The following GNG2 variants were observed in gnomAD, a reference collection of about 807,000 sequenced individuals.
GNG2 encodes G protein subunit gamma 2, also known as guanine nucleotide-binding protein G(I)/G(S)/G(O) subunit gamma-2.
GNG2 carries 5 observed loss-of-function variants against 5.5 expected under a neutral mutation model. The observed-to-expected ratio is 0.91, with a 90% CI of 0.48 to 1.92. The LOEUF (loss-of-function observed/expected upper bound fraction) is 1.92. Among genes scored for constraint, GNG2 ranks in the 30% most tolerant of loss-of-function variants. The pLI is 0.01. For synonymous variants in GNG2, 28 were observed against 32.0 expected (o/e 0.88, Z 0.42); for missense variants, 55 against 88.4 (o/e 0.62, Z 1.52).
chr14:51,833,348 A>C (rs1000074609), intron 2 of GNG2, among the ~76,000 whole-genome samples: 16 of 152,046 alleles, frequency 1.1e-4, no homozygotes, highest in African/African-American at 3.4e-4. Flanking sequence ...ACTTTTTTCC[A>C]GTCCCTCTTT....
At chr14:51,942,142 G>A (rs527563194) in intron 2 of GNG2, among the ~76,000 whole-genome samples, 18 of 152,288 alleles carry the variant, frequency 1.2e-4, no homozygotes, top group African/African-American at 4.3e-4. Context: ...AATTATGAAT[G>A]CTTAACACTT....
At chr14:51,841,526 A>G (rs1881482188) in intron 2 of GNG2, 1 of 702,082 alleles carries the variant, frequency 1.4e-6, no homozygotes, top group Non-Finnish European at 2.6e-6. Context: ...CAGAGCATAG[A>G]AAAGTCACAC....
intron 3 of GNG2, among the ~76,000 whole-genome samples, chr14:51,957,067 T>A (rs8019374): frequency 0.37 from 54,977 of 150,028 alleles, 10,402 homozygotes; most frequent in Non-Finnish European, 0.39. Flanking sequence ...TCTGGTTTGG[T>A]GAGGATGCTG....
At chr14:51,940,307 C>T (rs1193636731) in intron 2 of GNG2, 1 of 152,322 alleles carries the variant, frequency 6.6e-6, no homozygotes, top group African/African-American at 2.4e-5. Context: ...GCTGTGAACC[C>T]CCTGAGGCTA....
intron 3 of GNG2, among the ~76,000 whole-genome samples, 191 bp downstream of exon 3, chr14:51,950,956 C>A (rs916922236): frequency 6.6e-6 from 1 of 152,004 alleles, no homozygotes; most frequent in African/African-American, 2.4e-5. Flanking sequence ...TCCTCTTTCC[C>A]ATGTAGAATT....
chr14:51,966,227 A>AAAAAAAAAAAAAC (rs1566720324), intron 3 of GNG2, among the ~76,000 whole-genome samples: 1 of 148,842 alleles, frequency 6.7e-6, no homozygotes, highest in African/African-American at 2.5e-5. Context: ...AAAAAAAAAA[A>AAAAAAAAAAAAAC]AAAAAAAAAA....
At position 51,866,592 on chromosome 14, in the gene GNG2, A is replaced by G. The variant is rs555872920; in HGVS notation, c.-71+5802A>G. Among the ~76,000 whole-genome samples, 7 of 151,588 alleles carry G rather than the reference A, an allele frequency of 4.6e-5. No homozygotes were observed. In the South Asian group the frequency reaches 1.2e-3, roughly 27 times the overall value. ...AATCTTTTTTTTTTTTTACACTTCT[A>G]TGGGCTGGAAAGTCCAAGATCAAGG... On this transcript the variant is annotated intron_variant, in intron 1 of 3. Coordinates refer to ENST00000556766, the MANE Select transcript of GNG2 (RefSeq NM_053064.5).
intron 2 of GNG2, among the ~76,000 whole-genome samples, chr14:51,853,501 G>A (rs1483410117): frequency 2.6e-5 from 4 of 152,322 alleles, no homozygotes; most frequent in Admixed American, 2.6e-4. Flanking sequence ...ACCCCTTCCA[G>A]TAGGGAAATC....
At chr14:51,966,241 A>T (rs1446229886) in intron 3 of GNG2, among the ~76,000 whole-genome samples, 5 of 149,880 alleles carry the variant, frequency 3.3e-5, no homozygotes, top group Admixed American at 6.6e-5. Flanking sequence ...AAAAAAACAA[A>T]TGAAGGAGAC....
At chr14:51,827,367 C>G (rs768187464) in intron 1 of GNG2, among the ~76,000 whole-genome samples, 2 of 152,216 alleles carry the variant, frequency 1.3e-5, no homozygotes, top group Non-Finnish European at 1.5e-5. Flanking sequence ...TTGAGCTCTA[C>G]TCCAGGCTTA....
chr14:51,946,916 C>T (rs1481943432), intron 2 of GNG2, among the ~76,000 whole-genome samples: 3 of 151,844 alleles, frequency 2.0e-5, no homozygotes, highest in South Asian at 2.1e-4. Context: ...ATTGCTTTTA[C>T]GAGAAATCAG....
chr14:51,966,319 C>T (rs774343291), intron 3 of GNG2, among the ~76,000 whole-genome samples: 11 of 151,974 alleles, frequency 7.2e-5, no homozygotes, highest in Admixed American at 2.6e-4. Context: ...GTGCCTCCTT[C>T]GGTTCTGCAC....
At chr14:51,907,857 G>A (rs1233453059) in intron 2 of GNG2, among the ~76,000 whole-genome samples, 1 of 152,158 alleles carries the variant, frequency 6.6e-6, no homozygotes, top group African/African-American at 2.4e-5. Context: ...ACCGATTTAG[G>A]TTGGTATAAA....
At chr14:51,831,179 G>A (rs768084411) in intron 2 of GNG2, among the ~76,000 whole-genome samples, 54 of 152,146 alleles carry the variant, frequency 3.5e-4, no homozygotes, top group Admixed American at 8.5e-4. Context: ...ATTCCCAGAG[G>A]CCCCTGCGTT....
At position 51,939,181 on chromosome 14, in the gene GNG2, C is replaced by T. The variant is rs149956115; in HGVS notation, c.-29-11469C>T. On this transcript the variant is annotated intron_variant, in intron 2 of 3. Coordinates refer to ENST00000556766, the MANE Select transcript of GNG2 (RefSeq NM_053064.5). ...CGTGGAGTGAACAAAGCCCACCTAG[C>T]GTCTAAGAATGCCAGCTCCCATTTA... Among the ~76,000 whole-genome samples, 326 of 152,214 alleles carry T rather than the reference C, an allele frequency of 2.1e-3. 1 individual carries two copies. Among genetic ancestry groups the T allele is most frequent in the Non-Finnish European group, 3.9e-3 (267 of 68,010 alleles).
chr14:51,844,106 T>C (rs777085192), intron 2 of GNG2, among the ~76,000 whole-genome samples: 18 of 152,252 alleles, frequency 1.2e-4, no homozygotes, highest in Non-Finnish European at 1.5e-4. Flanking sequence ...GTCCCAGATA[T>C]TCAACCAGTT....
intron 2 of GNG2, among the ~76,000 whole-genome samples, chr14:51,843,557 C>T (rs2748136): frequency 0.92 from 139,218 of 151,630 alleles, 64,939 homozygotes; most frequent in South Asian, 1. Flanking sequence ...GATCTGCACA[C>T]GCATCCCAGA....
Position 51,843,605 on chromosome 14 carries a change from A to G in GNG2, c.64+15798A>G, listed in dbSNP as rs575472122. ...AAAAAAAAAAAACTCAAATATTTTGAGTGTGTCCACTCTGCTCCTGCCCTC... is the reference window on the plus strand; with the variant it reads ...AAAAAAAAAAAACTCAAATATTTTGGGTGTGTCCACTCTGCTCCTGCCCTC... On this transcript the variant is annotated intron_variant, in intron 2 of 3. Transcript: ENST00000553432. Among the ~76,000 whole-genome samples the G allele has an allele frequency of 4.0e-5, 6 of 151,668 alleles. No individual in the cohort carries two copies. In the South Asian group the frequency reaches 1.0e-3, roughly 26 times the overall value.
At chr14:51,927,885 T>C (rs888206275) in intron 2 of GNG2, among the ~76,000 whole-genome samples, 1 of 151,696 alleles carries the variant, frequency 6.6e-6, no homozygotes, top group Non-Finnish European at 1.5e-5. Context: ...TGTTGTTGTT[T>C]GGCAAATGAG....
Sources: gnomAD v4.1 joint callset for allele counts (sites outside exome capture counted in the v4.1 genomes callset) on GRCh38, gnomAD v4.1.1 for gene constraint, MANE v1.5 for transcripts, NCBI Gene and HGNC (gene_info 2026-07-23, HGNC 2026-07-21) for gene names.